The following ASAP1 variants were observed in gnomAD, a reference collection of about 807,000 sequenced individuals.
The protein encoded by ASAP1 is arf-GAP with SH3 domain, ANK repeat and PH domain-containing protein 1.
Under a neutral mutation model 145.2 loss-of-function variants are expected in ASAP1, and 43 were observed. The observed-to-expected ratio is 0.30, with a 90% confidence interval of 0.23 to 0.38. The LOEUF (loss-of-function observed/expected upper bound fraction) is 0.38, where lower values mean the gene tolerates loss of function less well. Among genes scored for constraint, ASAP1 ranks in the 10% least tolerant of loss-of-function variants. The pLI is 1.00. For synonymous variants in ASAP1, 546 were observed against 515.5 expected (o/e 1.06, Z -0.80); for missense variants, 1,018 against 1,355.3 (o/e 0.75, Z 3.91).
At chr8:130,055,988 C>T (rs1385482483) in intron 29 of ASAP1, among the ~76,000 whole-genome samples, 3 of 152,214 alleles carry the variant, frequency 2.0e-5, no homozygotes, top group Non-Finnish European at 4.4e-5. Context: ...TGGTGGCACA[C>T]ACAATGTCCC....
intron 7 of ASAP1, among the ~76,000 whole-genome samples, chr8:130,182,410 C>T (rs960514380): frequency 3.9e-5 from 6 of 152,188 alleles, no homozygotes; most frequent in African/African-American, 1.4e-4. Context: ...CTGTCTCCCT[C>T]ACTTACATAG....
intron 11 of ASAP1, 83 bp downstream of exon 11, chr8:130,167,453 C>G (rs775458342): frequency 1.9e-6 from 2 of 1,070,196 alleles, no homozygotes; most frequent in East Asian, 2.4e-5. Context: ...CTGTGCCTGT[C>G]TTGCAGATCA....
At chr8:130,064,671 C>T (rs2097426560) in intron 27 of ASAP1, among the ~76,000 whole-genome samples, 2 of 152,156 alleles carry the variant, frequency 1.3e-5, no homozygotes, top group South Asian at 4.1e-4. Flanking sequence ...CAATCCAATT[C>T]TGACACCATC....
chr8:130,353,469 T>C (rs1826119840), intron 3 of ASAP1, among the ~76,000 whole-genome samples: 1 of 152,172 alleles, frequency 6.6e-6, no homozygotes, highest in Non-Finnish European at 1.5e-5. Context: ...AGACCAAAAC[T>C]TGAAGGTGCA....
intron 3 of ASAP1, among the ~76,000 whole-genome samples, chr8:130,287,747 G>T (rs1821703868): frequency 6.6e-6 from 1 of 152,294 alleles, no homozygotes; most frequent in South Asian, 2.1e-4. Context: ...ATATTTAATA[G>T]AACATTATTA....
chr8:130,331,345 A>C (rs1824676402), intron 3 of ASAP1, among the ~76,000 whole-genome samples: 1 of 152,128 alleles, frequency 6.6e-6, no homozygotes. Flanking sequence ...AATTCCATGG[A>C]AGCAGTCTGG....
chr8:130,246,112 A>T (rs1818835130), intron 3 of ASAP1, among the ~76,000 whole-genome samples: 1 of 152,132 alleles, frequency 6.6e-6, no homozygotes, highest in South Asian at 2.1e-4. Flanking sequence ...AGTCTTACAA[A>T]GTCCTACATG....
At chr8:130,087,395 C>T (rs1180604157) in intron 25 of ASAP1, among the ~76,000 whole-genome samples, 1 of 152,152 alleles carries the variant, frequency 6.6e-6, no homozygotes, top group East Asian at 1.9e-4. Context: ...TGGCGGGTGC[C>T]TGCAATCCCA....
chr8:130,233,518 G>C (rs1037458389), intron 4 of ASAP1, among the ~76,000 whole-genome samples: 29 of 152,046 alleles, frequency 1.9e-4, no homozygotes. Flanking sequence ...TGAGAACAAT[G>C]GTACTTACCT....
chr8:130,237,151 C>T (rs1565122033), intron 3 of ASAP1, among the ~76,000 whole-genome samples, 157 bp from the exon 4 acceptor site: 1 of 151,992 alleles, frequency 6.6e-6, no homozygotes, highest in Non-Finnish European at 1.5e-5. Flanking sequence ...ACTGGAAGTC[C>T]CTGGGATCTG....
intron 11 of ASAP1, among the ~76,000 whole-genome samples, chr8:130,164,159 A>C (rs1180005725): frequency 6.6e-6 from 1 of 152,242 alleles, no homozygotes; most frequent in African/African-American, 2.4e-5. Context: ...AGTAAAACAG[A>C]AACAAAGAAT....
At chr8:130,442,498 T>C (rs572404178) in intron 1 of ASAP1, among the ~76,000 whole-genome samples, 19 of 152,310 alleles carry the variant, frequency 1.2e-4, no homozygotes, top group African/African-American at 4.1e-4. Flanking sequence ...CAGATAACCC[T>C]GGCCTAAAAA....
At chr8:130,356,124 T>A (rs1289128889) in intron 3 of ASAP1, among the ~76,000 whole-genome samples, 1 of 152,206 alleles carries the variant, frequency 6.6e-6, no homozygotes, top group African/African-American at 2.4e-5. Flanking sequence ...TAAACTAACA[T>A]CAACAGCAAC....
At chr8:130,389,994 C>G (rs115112553) in intron 2 of ASAP1, among the ~76,000 whole-genome samples, 4,897 of 152,294 alleles carry the variant, frequency 0.032, 98 homozygotes, top group African/African-American at 0.061. Context: ...ACTACGTCTG[C>G]ATCAGAATCA....
chr8:130,310,685 TA>T (rs879381179), intron 3 of ASAP1, among the ~76,000 whole-genome samples: 421 of 141,478 alleles, frequency 3.0e-3, no homozygotes, highest in African/African-American at 2.8e-3. Flanking sequence ...ATTCTCTAGT[TA>T]AAAAAAAAAA....
chr8:130,398,525 T>C (rs1314838820), intron 2 of ASAP1, among the ~76,000 whole-genome samples: 2 of 151,774 alleles, frequency 1.3e-5, no homozygotes, highest in African/African-American at 4.8e-5. Context: ...ATGGTAAGAG[T>C]AAAAGTATTA....
intron 2 of ASAP1, among the ~76,000 whole-genome samples, chr8:130,368,610 G>T (rs1177635383): frequency 2.0e-5 from 3 of 152,176 alleles, no homozygotes; most frequent in African/African-American, 7.2e-5. Flanking sequence ...ACTCAAGCAT[G>T]GCCAACCAGA....
chr8:130,215,858 G>A (rs1239029929), intron 4 of ASAP1, among the ~76,000 whole-genome samples: 1 of 151,824 alleles, frequency 6.6e-6, no homozygotes, highest in African/African-American at 2.4e-5. Flanking sequence ...CTGGGAAGTC[G>A]AGGCTACAGT....
At chr8:130,403,660 C>G (rs1421604142) in intron 1 of ASAP1, among the ~76,000 whole-genome samples, 2 of 146,446 alleles carry the variant, frequency 1.4e-5, no homozygotes, top group Non-Finnish European at 1.5e-5. Context: ...TCAATTGATT[C>G]TCCTCCCTCA....
Sources: gnomAD v4.1 joint callset for allele counts (sites outside exome capture counted in the v4.1 genomes callset) on GRCh38, gnomAD v4.1.1 for gene constraint, MANE v1.5 for transcripts, NCBI Gene and HGNC (gene_info 2026-07-23, HGNC 2026-07-21) for gene names.